The following CSNK1A1 variants were observed in gnomAD, a reference collection of about 807,000 sequenced individuals.
CSNK1A1 encodes the protein casein kinase 1 alpha 1.
In CSNK1A1, 7 loss-of-function variants were observed where a neutral mutation model predicts 46.1. The observed-to-expected ratio is 0.15, with a 90% CI of 0.09 to 0.29. The LOEUF (loss-of-function observed/expected upper bound fraction) is 0.29, where lower values mean the gene tolerates loss of function less well. Ranked by LOEUF, CSNK1A1 falls within the 10% of genes least tolerant of loss-of-function variation. The pLI is 1.00. For synonymous variants in CSNK1A1, 137 were observed against 141.5 expected, an observed-to-expected ratio of 0.97 and a Z score of 0.23; for missense variants, 96 against 417.1, an observed-to-expected ratio of 0.23 and a Z score of 6.71.
chr5:149,506,265 G>A lies in CSNK1A1; in HGVS notation c.858-670C>T, dbSNP rs184707790. Among the ~76,000 whole-genome samples the A allele has an allele frequency of 3.2e-4, 49 of 151,688 alleles. 1 individual carries two copies. In the East Asian group the frequency reaches 9.0e-3, roughly 28 times the overall value. On this transcript the variant is annotated intron_variant, in intron 8 of 9. Coordinates refer to ENST00000377843, the MANE Select transcript of CSNK1A1 (RefSeq NM_001892.6). ...CTTTGTTTTTCTCTTTTGAGACAGAGCCTCATTGTCACCCAGGTTGGAGTG... is the reference window on the plus strand; with the variant it reads ...CTTTGTTTTTCTCTTTTGAGACAGAACCTCATTGTCACCCAGGTTGGAGTG...
chr5:149,529,030 A>G lies in CSNK1A1; in HGVS notation c.231-3859T>C, dbSNP rs185436209. Among the ~76,000 whole-genome samples the G allele has an allele frequency of 2.0e-5, 3 of 152,352 alleles. No homozygotes were observed. The East Asian group carries it at 5.8e-4, about 29-fold the overall frequency. On this transcript the variant is annotated intron_variant, in intron 2 of 9. Transcript: ENST00000377843. Reference sequence around the variant, plus strand: ...AGTGTACAGTGGTAAAGTGATGTGCATATTGCAGGTACTCAGGTAATTATG... The same window carrying G: ...AGTGTACAGTGGTAAAGTGATGTGCGTATTGCAGGTACTCAGGTAATTATG...
intron 2 of CSNK1A1, among the ~76,000 whole-genome samples, chr5:149,534,962 C>CA (rs1762021471): frequency 6.7e-6 from 1 of 149,638 alleles, no homozygotes; most frequent in Non-Finnish European, 1.5e-5. Flanking sequence ...TTTCATATAT[C>CA]AAAAAATTCC....
chr5:149,538,242 G>A (rs940009845), intron 2 of CSNK1A1, among the ~76,000 whole-genome samples: 6 of 151,500 alleles, frequency 4.0e-5, no homozygotes, highest in Admixed American at 6.6e-5. Context: ...GGCTGGTCTC[G>A]AACTCCCGAC....
Position 149,550,979 on chromosome 5 carries a change from A to C in CSNK1A1, c.-15T>G. ...CTACTCGCCATCCTGAGAGACGAAG[A>C]TGGAGGCTGGGGCCAAGCCCCGACA... On this transcript the variant is annotated 5_prime_UTR_variant, in exon 1 of 10. Transcript: ENST00000377843. This position sits in a 1 kb window ranked among gnomAD's most constrained non-coding sequence, Gnocchi z 4.3. 6.2e-7 allele frequency: 1 copy of C among 1,613,780 alleles called. No homozygotes were observed. The highest frequency in any genetic ancestry group is 8.5e-7 in the Non-Finnish European group (1 of 1,179,902).
rs1762609891 is a variant in CSNK1A1 at position 149,550,128 on chromosome 5, G to A, written c.177C>T (p.Tyr59=). 3 of 1,613,810 alleles carry A rather than the reference G, an allele frequency of 1.9e-6. No individual in the cohort carries two copies. The highest frequency in any genetic ancestry group is 1.3e-5 in the African/African-American group (1 of 74,882). The change falls in exon 2 of 10, where the codon TAC becomes TAT. Residue 59 remains tyrosine, a synonymous_variant. Transcript: ENST00000377843. This position sits in a 1 kb window ranked among gnomAD's most constrained non-coding sequence, Gnocchi z 4.3. ...GAAGAATCTTATAGAGCTTGCTCTCGTACAGCAACTGGGGATGCCTGGCCT... is the reference window on the plus strand; with the variant it reads ...GAAGAATCTTATAGAGCTTGCTCTCATACAGCAACTGGGGATGCCTGGCCT... The part of the protein sequence containing the change: ...SQKARHPQLL[Y]ESKLYKILQG...
intron 7 of CSNK1A1, among the ~76,000 whole-genome samples, chr5:149,509,158 C>T (rs1327505208): frequency 6.6e-6 from 1 of 152,156 alleles, no homozygotes; most frequent in Non-Finnish European, 1.5e-5. Context: ...CTCCCGGGCT[C>T]AAGCGATCCA....
At chr5:149,499,471 T>C (rs1760755531) in intron 9 of CSNK1A1, among the ~76,000 whole-genome samples, 1 of 152,194 alleles carries the variant, frequency 6.6e-6, no homozygotes, top group Admixed American at 6.5e-5. Flanking sequence ...ATCTAAAATG[T>C]ATGCTCTGGC....
At chr5:149,546,935 T>A (rs1194769973) in intron 2 of CSNK1A1, among the ~76,000 whole-genome samples, 2 of 152,208 alleles carry the variant, frequency 1.3e-5, no homozygotes, top group Admixed American at 6.5e-5. Flanking sequence ...AATGTTTACA[T>A]AAATCTTTAT....
intron 7 of CSNK1A1, among the ~76,000 whole-genome samples, chr5:149,508,681 T>C (rs1761114587): frequency 6.6e-6 from 1 of 152,240 alleles, no homozygotes; most frequent in Admixed American, 6.5e-5. Context: ...CTCCAATCTG[T>C]CTGCATGTTT....
At chr5:149,514,573 T>C (rs1290068685) in intron 4 of CSNK1A1, among the ~76,000 whole-genome samples, 1 of 152,236 alleles carries the variant, frequency 6.6e-6, no homozygotes, top group Non-Finnish European at 1.5e-5. Context: ...TCCATTAGAC[T>C]ACTGGGTCCC....
chr5:149,521,430 C>G (rs1761566527), intron 3 of CSNK1A1, among the ~76,000 whole-genome samples: 3 of 151,890 alleles, frequency 2.0e-5, no homozygotes, highest in Admixed American at 2.0e-4. Flanking sequence ...GCCACTACAC[C>G]TGGCTAATTT....
At chr5:149,544,010 T>C (rs770654345) in intron 2 of CSNK1A1, among the ~76,000 whole-genome samples, 8 of 152,132 alleles carry the variant, frequency 5.3e-5, no homozygotes, top group Non-Finnish European at 1.0e-4. Context: ...GCTACTATCC[T>C]TTGAAAATAG....
intron 2 of CSNK1A1, chr5:149,545,567 C>A: frequency 2.8e-6 from 2 of 714,482 alleles, no homozygotes; most frequent in South Asian, 1.4e-5. Context: ...GCAAGTCAAT[C>A]GAGTTCGCAG....
At chr5:149,545,270 C>T in intron 2 of CSNK1A1, 1 of 237,468 alleles carries the variant, frequency 4.2e-6, no homozygotes, top group Admixed American at 5.5e-5. Flanking sequence ...TTTTTTTTCC[C>T]CTGCCTCAGG....
At chr5:149,514,531 T>C (rs1761338292) in intron 4 of CSNK1A1, among the ~76,000 whole-genome samples, 1 of 152,214 alleles carries the variant, frequency 6.6e-6, no homozygotes, top group Non-Finnish European at 1.5e-5. Context: ...TCTGTTGTTC[T>C]CTAGTTACTC....
chr5:149,509,555 T>C (rs2113080835), intron 7 of CSNK1A1, among the ~76,000 whole-genome samples: 1 of 152,302 alleles, frequency 6.6e-6, no homozygotes, highest in Admixed American at 6.5e-5. Flanking sequence ...CGTGTATCAC[T>C]GCACCCAGCT....
At chr5:149,538,720 C>T (rs755768612) in intron 2 of CSNK1A1, among the ~76,000 whole-genome samples, 31 of 152,012 alleles carry the variant, frequency 2.0e-4, no homozygotes, top group Non-Finnish European at 4.0e-4. Flanking sequence ...ACCAGGAGTT[C>T]GAGACCAGCC....
intron 9 of CSNK1A1, among the ~76,000 whole-genome samples, chr5:149,500,540 G>C (rs1269211712): frequency 5.3e-5 from 8 of 150,480 alleles, no homozygotes; most frequent in Non-Finnish European, 1.2e-4. Context: ...GCCTCCCAAA[G>C]TGCTGGGATT....
chr5:149,550,751 G>A lies in CSNK1A1; in HGVS notation c.123+91C>T, dbSNP rs896376809. The A allele has an allele frequency of 5.1e-6, 8 of 1,567,640 alleles. No homozygotes were observed. Among genetic ancestry groups the A allele is most frequent in the Non-Finnish European group, 7.0e-6 (8 of 1,149,762 alleles). On this transcript the variant is annotated intron_variant, in intron 1 of 9. Transcript: ENST00000377843. This position sits in a 1 kb window ranked among gnomAD's most constrained non-coding sequence, Gnocchi z 4.3. Reference sequence around the variant, plus strand: ...CTCCCTGGCGAGTGCGTGCGATGAGGAGAGGCCCGAGCACTTTGGGGGTGC... The same window carrying A: ...CTCCCTGGCGAGTGCGTGCGATGAGAAGAGGCCCGAGCACTTTGGGGGTGC...
Sources: allele counts gnomAD v4.1 joint callset (sites outside exome capture counted in the v4.1 genomes callset), GRCh38; gene constraint gnomAD v4.1.1; non-coding constraint Gnocchi (gnomAD v3.1); transcripts MANE v1.5; gene names NCBI Gene and HGNC (gene_info 2026-07-23, HGNC 2026-07-21).